Variants in SEC14L5 observed in about 807,000 individuals in gnomAD.
The protein encoded by SEC14L5 is SEC14 like lipid binding 5.
SEC14L5 carries 96 observed loss-of-function variants against 84.6 expected under a neutral mutation model. The ratio of observed to expected loss-of-function variants is 1.13; its 90% CI spans 0.96 to 1.34. The LOEUF is 1.34. Ranked by LOEUF, SEC14L5 falls within the 40% of genes most tolerant of loss-of-function variation. The pLI, the probability that SEC14L5 is intolerant of heterozygous loss-of-function variation, is 0.00. For synonymous variants in SEC14L5, 546 were observed against 383.4 expected (o/e 1.42, Z -4.95); for missense variants, 1,224 against 942.5 (o/e 1.30, Z -3.91).
At chr16:4,966,340 C>T (rs1955200596) in intron 2 of SEC14L5, among the ~76,000 whole-genome samples, 1 of 135,254 alleles carries the variant, frequency 7.4e-6, no homozygotes, top group Non-Finnish European at 1.5e-5. Context: ...GTGGCATGGT[C>T]TCGGCTCACT....
At chr16:4,976,309 G>A (rs1955338568) in intron 2 of SEC14L5, among the ~76,000 whole-genome samples, 1 of 152,132 alleles carries the variant, frequency 6.6e-6, no homozygotes, top group Admixed American at 6.5e-5. Context: ...TCCCAACCCA[G>A]GCCCCAGAGC....
At chr16:5,007,277 C>T in intron 12 of SEC14L5, 75 bp from the exon 13 acceptor site, 4 of 1,446,420 alleles carry the variant, frequency 2.8e-6, no homozygotes, top group Non-Finnish European at 3.8e-6. Context: ...GGGGGTCACA[C>T]ATCACCCTTC....
At position 5,008,456 on chromosome 16, in the gene SEC14L5, C is replaced by T. The variant is rs1955758756; in HGVS notation, c.1608C>T (p.Ile536=). Residue 536 remains isoleucine, a synonymous_variant, in exon 14 of 16, where the codon ATC becomes ATT. Coordinates refer to ENST00000251170, the MANE Select transcript of SEC14L5 (RefSeq NM_014692.2). Reference sequence around the variant, plus strand: ...AGATCCTGGAAGGAGAGTCGGTCATCACCTGGGACTTTGACATCCTGCGAG... The same window carrying T: ...AGATCCTGGAAGGAGAGTCGGTCATTACCTGGGACTTTGACATCCTGCGAG... ...AVEILEGESV[I]TWDFDILRGD... 1 of 1,613,492 alleles carries T rather than the reference C, an allele frequency of 6.2e-7. No individual in the cohort carries two copies.
intron 10 of SEC14L5, among the ~76,000 whole-genome samples, chr16:5,001,652 A>G (rs1178971576): frequency 6.6e-6 from 1 of 151,988 alleles, no homozygotes; most frequent in Non-Finnish European, 1.5e-5. Context: ...GCAGGAACCC[A>G]CTGTCCTCTG....
intron 15 of SEC14L5, among the ~76,000 whole-genome samples, chr16:5,011,801 G>C (rs755568824): frequency 4.6e-5 from 7 of 152,170 alleles, no homozygotes; most frequent in Non-Finnish European, 8.8e-5. Context: ...CCCCAGTCTT[G>C]TGGGTTTGTC....
intron 10 of SEC14L5, among the ~76,000 whole-genome samples, chr16:5,001,482 G>A (rs1447342869): frequency 6.6e-6 from 1 of 151,962 alleles, no homozygotes; most frequent in Non-Finnish European, 1.5e-5. Flanking sequence ...AATGGTCTCG[G>A]TCTCCTGACC....
intron 14 of SEC14L5, 78 bp downstream of exon 14, chr16:5,008,726 A>G (rs1955765130): frequency 7.7e-7 from 1 of 1,292,588 alleles, no homozygotes; most frequent in Non-Finnish European, 1.1e-6. Context: ...CTGGGGATAC[A>G]GCGGAGGACA....
Position 4,991,921 on chromosome 16 carries a change from C to G in SEC14L5, c.558C>G (p.Val186=). 1 of 1,606,772 alleles carries G rather than the reference C, an allele frequency of 6.2e-7. No homozygotes were observed. Among genetic ancestry groups the G allele is most frequent in the South Asian group, 1.1e-5 (1 of 90,170 alleles). Residue 186 remains valine, a synonymous_variant, in exon 6 of 16, where the codon GTC becomes GTG. Coordinates refer to ENST00000251170, the MANE Select transcript of SEC14L5 (RefSeq NM_014692.2). ...TTCCGCGCTGGACGCCTGCCCCAGT[C>G]CGTGAGGAGGATGCCCGCAACCAGG... The part of the protein sequence containing the change: ...SHIPRWTPAP[V]REEDARNQAG...
chr16:4,972,813 T>C (rs1010940561), intron 2 of SEC14L5, among the ~76,000 whole-genome samples: 2 of 152,258 alleles, frequency 1.3e-5, no homozygotes, highest in Admixed American at 6.5e-5. Flanking sequence ...TGTACAAATA[T>C]CTGTTTTAAG....
chr16:4,970,300 C>A (rs370868375), intron 2 of SEC14L5, among the ~76,000 whole-genome samples: 11 of 151,990 alleles, frequency 7.2e-5, no homozygotes, highest in Non-Finnish European at 8.8e-5. Context: ...CTGAGAGTTG[C>A]GGGGAAGCAG....
At chr16:4,998,249 C>A (rs1021844991) in intron 8 of SEC14L5, among the ~76,000 whole-genome samples, 2 of 151,268 alleles carry the variant, frequency 1.3e-5, no homozygotes, top group East Asian at 2.0e-4. Flanking sequence ...TCAAGTGATC[C>A]GCCCGCCTTG....
intron 15 of SEC14L5, among the ~76,000 whole-genome samples, chr16:5,013,249 A>T (rs2142538305): frequency 6.6e-6 from 1 of 152,278 alleles, no homozygotes; most frequent in East Asian, 1.9e-4. Flanking sequence ...GTGCTCAGGG[A>T]CGTAACCTAG....
chr16:4,977,082 C>T (rs757427045), intron 2 of SEC14L5, among the ~76,000 whole-genome samples: 3 of 152,162 alleles, frequency 2.0e-5, no homozygotes, highest in Non-Finnish European at 4.4e-5. Context: ...GCCTGCGGCC[C>T]ACAGTTTCTC....
At chr16:4,982,509 AC>A (rs1304467208) in intron 2 of SEC14L5, among the ~76,000 whole-genome samples, 6 of 151,388 alleles carry the variant, frequency 4.0e-5, no homozygotes, top group Non-Finnish European at 4.4e-5. Flanking sequence ...CCAGCTCTAC[AC>A]CCCCGCCTGG....
At chr16:4,980,249 T>C (rs1397688052) in intron 2 of SEC14L5, among the ~76,000 whole-genome samples, 5 of 152,248 alleles carry the variant, frequency 3.3e-5, no homozygotes, top group African/African-American at 1.2e-4. Flanking sequence ...GCTGGACAAC[T>C]GGCTCTGGGA....
At chr16:4,996,504 G>A (rs1955611458) in intron 7 of SEC14L5, 44 bp downstream of exon 7, 2 of 1,035,442 alleles carry the variant, frequency 1.9e-6, no homozygotes, top group African/African-American at 1.6e-5. Flanking sequence ...AATGGGCAAT[G>A]ACTGGTACTC....
chr16:4,977,146 T>C (rs1299063568), intron 2 of SEC14L5, among the ~76,000 whole-genome samples: 1 of 152,002 alleles, frequency 6.6e-6, no homozygotes, highest in African/African-American at 2.4e-5. Flanking sequence ...TATTCCAGAA[T>C]ACAAAAAGAA....
rs8050811 is a variant in SEC14L5 at position 5,007,314 on chromosome 16, C to T, written c.1438-38C>T. On this transcript the variant is annotated intron_variant, in intron 12 of 15. Transcript: ENST00000251170. The stretch of plus-strand genomic sequence containing the variant: ...GTGGGTCAGGCCAGCCAGGCCTCAA[C>T]TGGCCCTGACCTGCTGCCCTTTATC... The T allele has an allele frequency of 2.0e-3, 3,266 of 1,602,730 alleles. 67 individuals are homozygous for T. In the African/African-American group the frequency reaches 0.039, roughly 19 times the overall value.
rs1955699274 is a variant in SEC14L5 at position 5,003,532 on chromosome 16, A to T, written c.1261A>T (p.Ile421Phe). Residue 421 changes from isoleucine (I) to phenylalanine (F), a missense_variant, in exon 11 of 16, where the codon ATC becomes TTC. By Grantham distance (21) the Ile-to-Phe change is conservative. Transcript: ENST00000251170. ...NYPETLGRLLIVRAPRVFPVL... is the reference protein window; with the variant it reads ...NYPETLGRLLFVRAPRVFPVL... ...CCCAGAGACCCTGGGTCGGCTGCTC[A>T]TCGTGCGAGCCCCCCGAGTCTTCCC... 1.4e-6 allele frequency: 2 copies of T among 1,423,886 alleles called. No individual in the cohort carries two copies. Among genetic ancestry groups the T allele is most frequent in the African/African-American group, 3.1e-5 (2 of 64,382 alleles). 88.2% of individuals were successfully genotyped at this position (1,423,886 alleles called of 1,614,324 possible).
Sources: allele counts gnomAD v4.1 joint callset (sites outside exome capture counted in the v4.1 genomes callset), GRCh38; gene constraint gnomAD v4.1.1; transcripts MANE v1.5; gene names NCBI Gene and HGNC (gene_info 2026-07-23, HGNC 2026-07-21).